The following TPGS1 variants were observed in gnomAD, a reference collection of about 807,000 sequenced individuals.
The protein encoded by TPGS1 is tubulin polyglutamylase complex subunit 1.
TPGS1 carries 18 observed loss-of-function variants against 11.9 expected under a neutral mutation model. The observed-to-expected ratio is 1.51, with a 90% confidence interval of 1.04 to 2.24. The LOEUF (loss-of-function observed/expected upper bound fraction) is 2.24, where lower values mean the gene tolerates loss of function less well. Among genes scored for constraint, TPGS1 ranks in the 30% most tolerant of loss-of-function variants. The probability of loss-of-function intolerance (pLI) is 0.00; values close to 1 mark genes in which losing one functional copy is unlikely to be tolerated. For synonymous variants in TPGS1, 247 were observed against 218.2 expected, an observed-to-expected ratio of 1.13 and a Z score of -1.16; for missense variants, 500 against 443.0, an observed-to-expected ratio of 1.13 and a Z score of -1.16.
chr19:515,761 G>C (rs1312018281), intron 1 of TPGS1, among the ~76,000 whole-genome samples: 1 of 143,128 alleles, frequency 7.0e-6, no homozygotes, highest in African/African-American at 2.6e-5. Flanking sequence ...GGCCGGGCGC[G>C]GTGGCTCACG....
rs577898619 is a variant in TPGS1, at chr19:515,662, C to T, written c.339-3227C>T. On this transcript the variant is annotated intron_variant, in intron 1 of 1. Coordinates refer to ENST00000359315, the MANE Select transcript of TPGS1 (RefSeq NM_033513.3). Reference sequence around the variant, plus strand: ...CTGAGGCAGGAGAATCGCTTGAACCCGGGAGGTGGAGGTTGCTGTGAGCTG... The same window carrying T: ...CTGAGGCAGGAGAATCGCTTGAACCTGGGAGGTGGAGGTTGCTGTGAGCTG... 1.4e-3 allele frequency among the ~76,000 whole-genome samples: 215 copies of T among 152,062 alleles called. 1 individual carries two copies. The highest frequency in any genetic ancestry group is 4.9e-3 in the African/African-American group (202 of 41,476).
chr19:508,209 T>G, intron 1 of TPGS1: 1 of 205,696 alleles, frequency 4.9e-6, no homozygotes. Context: ...CCTAGTCGCC[T>G]CCTTAGCAGC....
Position 515,760 on chromosome 19 carries a change from C to T in TPGS1, c.339-3129C>T, listed in dbSNP as rs376982547. On this transcript the variant is annotated intron_variant, in intron 1 of 1. Transcript: ENST00000359315. ...TCAAAAAAAGAAAGAGGGCCGGGCG[C>T]GGTGGCTCACGCCTGTAATCCCAGC... 6.7e-3 allele frequency among the ~76,000 whole-genome samples: 1,013 copies of T among 151,316 alleles called. 14 individuals carry two copies. The highest frequency in any genetic ancestry group is 0.023 in the African/African-American group (957 of 41,144).
chr19:510,372 C>CA (rs556481115), intron 1 of TPGS1: 1,372 of 132,426 alleles, frequency 0.01, 8 homozygotes, highest in African/African-American at 0.025. Flanking sequence ...GACTCTGTCT[C>CA]AAAAAAAAAA....
chr19:510,715 C>G (rs112655027), intron 1 of TPGS1, among the ~76,000 whole-genome samples: 1 of 152,228 alleles, frequency 6.6e-6, no homozygotes, highest in Non-Finnish European at 1.5e-5. Flanking sequence ...AGTGCAGCCC[C>G]GGAGGCCTCC....
At position 515,422 on chromosome 19, in the gene TPGS1, A is replaced by G. The variant is rs117267669; in HGVS notation, c.339-3467A>G. Among the ~76,000 whole-genome samples, 813 of 151,794 alleles carry G rather than the reference A, an allele frequency of 5.4e-3. 8 individuals are homozygous for G. Among genetic ancestry groups the G allele is most frequent in the Non-Finnish European group, 8.4e-3 (574 of 67,934 alleles). ...TCTCAAAAAAAAAAAAAAAAGAAAA[A>G]ATGCAATGTCAGCTGTGTTAAATGT... On this transcript the variant is annotated intron_variant, in intron 1 of 1. Coordinates refer to ENST00000359315, the MANE Select transcript of TPGS1 (RefSeq NM_033513.3).
At chr19:515,371 A>G (rs1978919177) in intron 1 of TPGS1, among the ~76,000 whole-genome samples, 2 of 150,266 alleles carry the variant, frequency 1.3e-5, no homozygotes, top group African/African-American at 2.5e-5. Context: ...ACTGCTCTCC[A>G]GCCTGCACAA....
chr19:508,760 G>A (rs546519829), intron 1 of TPGS1: 1 of 152,724 alleles, frequency 6.5e-6, no homozygotes, highest in South Asian at 2.1e-4. Flanking sequence ...CAGAGTCCCA[G>A]AGAAGTTCGG....
chr19:507,861 C>T lies in TPGS1; in HGVS notation c.338+17C>T, dbSNP rs187667116. 3.1e-4 allele frequency: 404 copies of T among 1,313,446 alleles called. 3 individuals carry two copies. The East Asian group carries it at 0.011, about 35-fold the overall frequency. 81.4% of individuals were successfully genotyped at this position (1,313,446 alleles called of 1,614,324 possible). On this transcript the variant is annotated intron_variant, in intron 1 of 1. Coordinates refer to ENST00000359315, the MANE Select transcript of TPGS1 (RefSeq NM_033513.3). Reference sequence around the variant, plus strand: ...CTCCCAGAGGTGCGCAGTGGGCCGGCTTGGGCGGGTGGGGCAGCGATGGAC... The same window carrying T: ...CTCCCAGAGGTGCGCAGTGGGCCGGTTTGGGCGGGTGGGGCAGCGATGGAC...
chr19:510,589 C>T (rs955895441), intron 1 of TPGS1, among the ~76,000 whole-genome samples: 1 of 152,162 alleles, frequency 6.6e-6, no homozygotes, highest in African/African-American at 2.4e-5. Flanking sequence ...CAGTGTCCCC[C>T]TCCTGCCACC....
In TPGS1 at chr19:519,437, C is replaced by T. The variant is rs1979082682; in HGVS notation, c.*14C>T. 1 of 1,206,076 alleles carries T rather than the reference C, an allele frequency of 8.3e-7. No homozygotes were observed. 74.7% of individuals were successfully genotyped at this position (1,206,076 alleles called of 1,614,324 possible). On this transcript the variant is annotated 3_prime_UTR_variant, in exon 2 of 2. Transcript: ENST00000359315. ...CCGGTGGGCTGAGGCCCGTGGGCCG[C>T]GCGGATCCGGGATCTGCGCTGGGGG...
rs748000729 is a variant in TPGS1, at chr19:518,936, C to G, written c.386C>G (p.Ala129Gly). ...NVSVAYECLSAGGRRKRPGLD... is the reference protein window; with the variant it reads ...NVSVAYECLSGGGRRKRPGLD... ...AGCGTGGCCTACGAGTGCCTGAGCG[C>G]CGGCGGGCGCAGGAAGAGGCCGGGG... The change falls in exon 2 of 2, where the codon GCC becomes GGC. Residue 129 changes from alanine (A) to glycine (G), a missense_variant. By Grantham distance (60) the Ala-to-Gly change is moderately conservative. Transcript: ENST00000359315. 5 of 1,579,178 alleles carry G rather than the reference C, an allele frequency of 3.2e-6. No individual in the cohort carries two copies. The South Asian group carries it at 5.7e-5, about 18-fold the overall frequency.
At chr19:515,720 G>C (rs925617868) in intron 1 of TPGS1, among the ~76,000 whole-genome samples, 2 of 149,112 alleles carry the variant, frequency 1.3e-5, no homozygotes, top group Non-Finnish European at 3.0e-5. Flanking sequence ...CCTGACAACA[G>C]AGTGAGACAC....
rs1267878818 is a variant in TPGS1, at chr19:516,672, C to G, written c.339-2217C>G. ...TGCTGGGATTACAGGCGTGAGCCAC[C>G]GTGCCTGGCCAACATTTCTCACATC... On this transcript the variant is annotated intron_variant, in intron 1 of 1. Coordinates refer to ENST00000359315, the MANE Select transcript of TPGS1 (RefSeq NM_033513.3). Among the ~76,000 whole-genome samples the G allele has an allele frequency of 2.6e-5, 4 of 152,308 alleles. No individual in the cohort carries two copies. The East Asian group carries it at 5.8e-4, about 22-fold the overall frequency.
intron 1 of TPGS1, among the ~76,000 whole-genome samples, chr19:518,143 A>T (rs537962916): frequency 3.5e-5 from 1 of 28,852 alleles, no homozygotes; most frequent in African/African-American, 1.5e-4. Flanking sequence ...GCTGGGTGGG[A>T]GCTGGGAGGA....
At chr19:518,814 G>T in intron 1 of TPGS1, 75 bp from the exon 2 acceptor site, 1 of 1,409,840 alleles carries the variant, frequency 7.1e-7, no homozygotes. Context: ...TAGGGCATAG[G>T]CCTGGCGAGG....
At chr19:512,900 G>A (rs1339089909) in intron 1 of TPGS1, among the ~76,000 whole-genome samples, 1 of 152,182 alleles carries the variant, frequency 6.6e-6, no homozygotes, top group Non-Finnish European at 1.5e-5. Context: ...GGGGTCGCTC[G>A]CGCAGCTCCC....
chr19:512,927 C>T (rs1054632224), intron 1 of TPGS1, among the ~76,000 whole-genome samples: 6 of 152,240 alleles, frequency 3.9e-5, no homozygotes, highest in African/African-American at 7.2e-5. Flanking sequence ...CACCTGCAGC[C>T]GCTGCCAAGA....
chr19:510,374 A>C (rs1281292827), intron 1 of TPGS1: 1 of 148,904 alleles, frequency 6.7e-6, no homozygotes, highest in African/African-American at 2.4e-5. Context: ...CTCTGTCTCA[A>C]AAAAAAAAAA....
Sources: allele counts gnomAD v4.1 joint callset (sites outside exome capture counted in the v4.1 genomes callset), GRCh38; gene constraint gnomAD v4.1.1; transcripts MANE v1.5; gene names NCBI Gene and HGNC (gene_info 2026-07-23, HGNC 2026-07-21).